DOCK4: variants seen among roughly 807,000 people sequenced by gnomAD.
DOCK4 encodes the protein dedicator of cytokinesis 4, also known as dedicator of cytokinesis protein 4.
A neutral mutation model predicts 268.1 loss-of-function variants in DOCK4; 97 were observed. That is an observed-to-expected ratio of 0.36 (90% CI 0.31 to 0.43). The LOEUF (loss-of-function observed/expected upper bound fraction) is 0.43. DOCK4 is among the 20% of genes least tolerant of loss of function. The pLI is 1.00. For synonymous variants in DOCK4, 954 were observed against 887.2 expected (o/e 1.08, Z -1.34); for missense variants, 2,145 against 2,455.7 (o/e 0.87, Z 2.67).
At chr7:112,062,810 T>G (rs1235835553) in intron 1 of DOCK4, among the ~76,000 whole-genome samples, 1 of 152,136 alleles carries the variant, frequency 6.6e-6, no homozygotes, top group Non-Finnish European at 1.5e-5. Flanking sequence ...CTCGAGTAGC[T>G]GGTATTACAG....
At position 111,872,995 on chromosome 7, in the gene DOCK4, C is replaced by T. The variant is rs150128029; in HGVS notation, c.1745-431G>A. Among the ~76,000 whole-genome samples, 323 of 152,324 alleles carry T rather than the reference C, an allele frequency of 2.1e-3. 3 individuals carry two copies. Among genetic ancestry groups the T allele is most frequent in the African/African-American group, 7.4e-3 (308 of 41,574 alleles). The stretch of plus-strand genomic sequence containing the variant: ...GAGGGCTGGGAACCTGCTTTATTCC[C>T]GTTTGGGTGCCCAGCACATAGCACT... On this transcript the variant is annotated intron_variant, in intron 17 of 52. Coordinates refer to ENST00000428084, the MANE Select transcript of DOCK4 (RefSeq NM_001363540.2).
intron 1 of DOCK4, among the ~76,000 whole-genome samples, chr7:112,080,174 G>A (rs946043870): frequency 5.9e-4 from 90 of 152,120 alleles, no homozygotes; most frequent in African/African-American, 2.1e-3. Context: ...CTTAAAAGGA[G>A]GGTTGCCAGA....
chr7:111,804,802 G>T (rs1406583335), intron 30 of DOCK4, among the ~76,000 whole-genome samples: 2 of 151,988 alleles, frequency 1.3e-5, no homozygotes, highest in Non-Finnish European at 2.9e-5. Flanking sequence ...GTTTCGTCAT[G>T]TTTGCCAGGC....
At chr7:112,117,087 ACTT>A (rs1812243029) in intron 1 of DOCK4, among the ~76,000 whole-genome samples, 1 of 152,172 alleles carries the variant, frequency 6.6e-6, no homozygotes, top group East Asian at 1.9e-4. Flanking sequence ...CTGTGCACAC[ACTT>A]TAAAACATCC....
chr7:112,155,760 AG>A (rs1467392685), intron 1 of DOCK4, among the ~76,000 whole-genome samples: 13 of 152,234 alleles, frequency 8.5e-5, no homozygotes, highest in African/African-American at 3.1e-4. Context: ...AATGGACGGT[AG>A]TATTTAAGGA....
In DOCK4 at chr7:112,013,425, G is replaced by A. The variant is rs568322843; in HGVS notation, c.38-9294C>T. On this transcript the variant is annotated intron_variant, in intron 1 of 52. Coordinates refer to ENST00000428084, the MANE Select transcript of DOCK4 (RefSeq NM_001363540.2). ...TCAAAAACTATTTCTCAAGGAGATA[G>A]GGGAGCCAGTGAACAGTTCAACGGA... Among the ~76,000 whole-genome samples the A allele has an allele frequency of 2.6e-4, 40 of 152,304 alleles. 1 individual carries two copies. The South Asian group carries it at 8.3e-3, about 32-fold the overall frequency.
intron 1 of DOCK4, among the ~76,000 whole-genome samples, chr7:112,066,726 T>C (rs1327082367): frequency 1.0e-4 from 10 of 100,456 alleles, no homozygotes; most frequent in African/African-American, 3.4e-4. Context: ...TATATATATA[T>C]ATATATATAT....
chr7:112,140,669 T>C (rs1814824737), intron 1 of DOCK4, among the ~76,000 whole-genome samples: 1 of 93,394 alleles, frequency 1.1e-5, no homozygotes, highest in Non-Finnish European at 3.3e-5. Context: ...ATTTTTTAAA[T>C]GCAGAAAAAA....
chr7:112,141,832 A>G lies in DOCK4; in HGVS notation c.37+64270T>C, dbSNP rs562364319. ...GACATGAGAGTGTTTTGGAAACTAC[A>G]CTGAACTGGGGACACTTCCACTTAC... On this transcript the variant is annotated intron_variant, in intron 1 of 52. Transcript: ENST00000428084. Among the ~76,000 whole-genome samples, 46 of 152,248 alleles carry G rather than the reference A, an allele frequency of 3.0e-4. 1 individual carries two copies. In the South Asian group the frequency reaches 8.9e-3, roughly 29 times the overall value.
chr7:111,943,282 C>T lies in DOCK4; in HGVS notation c.844+1529G>A, dbSNP rs376875909. On this transcript the variant is annotated intron_variant, in intron 10 of 52. Coordinates refer to ENST00000428084, the MANE Select transcript of DOCK4 (RefSeq NM_001363540.2). ...CAAACACCAAGCATTTGAAAGGCTG[C>T]CCTGTGATGGGCAGTACTACTGAGG... is the stretch of plus-strand genomic sequence containing the variant. Among the ~76,000 whole-genome samples, 6 of 152,302 alleles carry T rather than the reference C, an allele frequency of 3.9e-5. No individual in the cohort carries two copies. The East Asian group carries it at 5.8e-4, about 15-fold the overall frequency.
chr7:111,977,011 T>G, intron 8 of DOCK4, 121 bp downstream of exon 8: 80 of 1,172,244 alleles, frequency 6.8e-5, no homozygotes, highest in Non-Finnish European at 8.2e-5. Flanking sequence ...GTTCTACTGG[T>G]GAGAAAATTG....
intron 1 of DOCK4, among the ~76,000 whole-genome samples, chr7:112,112,153 T>A (rs1811711826): frequency 6.6e-6 from 1 of 152,174 alleles, no homozygotes; most frequent in Non-Finnish European, 1.5e-5. Context: ...GTGGGCTTAG[T>A]GGGCTGGGCT....
chr7:111,931,732 A>G (rs1460793069), intron 12 of DOCK4, among the ~76,000 whole-genome samples: 3 of 152,360 alleles, frequency 2.0e-5, no homozygotes, highest in East Asian at 1.9e-4. Context: ...AAAACAGACA[A>G]CTTAAGAGGT....
At chr7:112,156,340 A>G (rs1354574436) in intron 1 of DOCK4, among the ~76,000 whole-genome samples, 2 of 152,210 alleles carry the variant, frequency 1.3e-5, no homozygotes, top group Non-Finnish European at 2.9e-5. Context: ...TTTCATGAAC[A>G]ATCTATAAAA....
chr7:111,875,744 C>T (rs751653440), intron 17 of DOCK4, among the ~76,000 whole-genome samples: 4 of 152,206 alleles, frequency 2.6e-5, no homozygotes, highest in Non-Finnish European at 4.4e-5. Context: ...TGGATTCTCT[C>T]CATTCCAGGG....
chr7:111,924,884 C>G (rs940690754), intron 12 of DOCK4, among the ~76,000 whole-genome samples: 7 of 152,192 alleles, frequency 4.6e-5, no homozygotes, highest in African/African-American at 1.7e-4. Context: ...AGTAAACTCT[C>G]AAAACACTAT....
At chr7:112,023,711 C>T (rs1479866427) in intron 1 of DOCK4, 1 of 437,974 alleles carries the variant, frequency 2.3e-6, no homozygotes, top group Non-Finnish European at 4.6e-6. Context: ...TGTGCTCCAT[C>T]CCTGAAAGGG....
At chr7:111,850,056 T>C (rs1407824851) in intron 23 of DOCK4, among the ~76,000 whole-genome samples, 1 of 152,162 alleles carries the variant, frequency 6.6e-6, no homozygotes, top group Non-Finnish European at 1.5e-5. Flanking sequence ...TCTTCTTCCA[T>C]TCTCTTAAAC....
At chr7:112,155,107 A>G (rs1816492915) in intron 1 of DOCK4, among the ~76,000 whole-genome samples, 1 of 152,220 alleles carries the variant, frequency 6.6e-6, no homozygotes, top group African/African-American at 2.4e-5. Flanking sequence ...GATAAAACTC[A>G]GAGAGGTTAA....
Sources: gnomAD v4.1 joint callset for allele counts (sites outside exome capture counted in the v4.1 genomes callset) on GRCh38, gnomAD v4.1.1 for gene constraint, MANE v1.5 for transcripts, NCBI Gene and HGNC (gene_info 2026-07-23, HGNC 2026-07-21) for gene names.